The following DNMT1 variants were observed in gnomAD, a reference collection of about 807,000 sequenced individuals.
DNMT1 encodes the protein DNA (cytosine-5)-methyltransferase 1.
In DNMT1, 24 loss-of-function variants were observed where a neutral mutation model predicts 205.3. The ratio of observed to expected loss-of-function variants is 0.12; its 90% confidence interval spans 0.08 to 0.16. The LOEUF (loss-of-function observed/expected upper bound fraction) is 0.16, where lower values mean the gene tolerates loss of function less well. Among genes scored for constraint, DNMT1 ranks in the 10% least tolerant of loss-of-function variants. The probability of loss-of-function intolerance (pLI) is 1.00; values close to 1 mark genes in which losing one functional copy is unlikely to be tolerated. For missense variants in DNMT1, 1,293 were observed against 2,177.7 expected, an observed-to-expected ratio of 0.59 and a Z score of 8.09; for synonymous variants, 817 against 839.8, an observed-to-expected ratio of 0.97 and a Z score of 0.47.
intron 12 of DNMT1, 81 bp downstream of exon 12, chr19:10,163,245 G>A (rs1205927782): frequency 4.0e-6 from 6 of 1,514,708 alleles, no homozygotes; most frequent in East Asian, 2.3e-5. Flanking sequence ...GGGATTACAG[G>A]TGCAAGCCAC....
At chr19:10,186,565 A>C in intron 1 of DNMT1, among the ~76,000 whole-genome samples, 1 of 152,006 alleles carries the variant, frequency 6.6e-6, no homozygotes, top group East Asian at 1.9e-4. Context: ...CTGGCCAGGC[A>C]CGGTGGCTCA....
At chr19:10,173,780 C>T in intron 8 of DNMT1, 91 bp downstream of exon 8, 1 of 1,435,994 alleles carries the variant, frequency 7.0e-7, no homozygotes, top group South Asian at 1.1e-5. Flanking sequence ...GCATGAGTCA[C>T]CGTGCCCGGC....
chr19:10,135,728 C>T lies in DNMT1; in HGVS notation c.4773+8G>A. On this transcript the variant is annotated splice_region_variant and intron_variant, in intron 39 of 40. Coordinates refer to ENST00000359526, the MANE Select transcript of DNMT1 (RefSeq NM_001130823.3). ...CTGTCCAGACCCAGCGGGCGCCGCC[C>T]CACTGACCTGCCGGTGCTTGTCCAG... 1.9e-6 allele frequency: 3 copies of T among 1,606,222 alleles called. No homozygotes were observed. The highest frequency in any genetic ancestry group is 2.5e-6 in the Non-Finnish European group (3 of 1,178,224).
Position 10,180,512 on chromosome 19 carries a change from C to T in DNMT1, c.283G>A (p.Gly95Ser), listed in dbSNP as rs2039026843. Residue 95 changes from glycine (G) to serine (S), a missense_variant, in exon 4 of 41, where the codon GGT (glycine) becomes AGT (serine). Physicochemically the swap from Gly to Ser is moderately conservative, Grantham distance 56. Coordinates refer to ENST00000359526, the MANE Select transcript of DNMT1 (RefSeq NM_001130823.3). ...LLNKDLSLEN[G>S]AHAYNREVNG... ...ACTTCCCGGTTGTAAGCATGAGCAC[C>T]GTTCTCCAAGGACAAATCTTTATTT... 2 of 1,613,990 alleles carry T rather than the reference C, an allele frequency of 1.2e-6. No homozygotes were observed. The highest frequency in any genetic ancestry group is 3.3e-5 in the Admixed American group (2 of 59,976).
chr19:10,175,464 C>G, intron 7 of DNMT1, 76 bp downstream of exon 7: 2 of 1,565,820 alleles, frequency 1.3e-6, no homozygotes, highest in Non-Finnish European at 1.8e-6. Context: ...TTTACTTGGA[C>G]AGAACACATA....
chr19:10,158,249 C>A (rs1021202510), intron 17 of DNMT1, among the ~76,000 whole-genome samples: 1 of 152,242 alleles, frequency 6.6e-6, no homozygotes, highest in East Asian at 1.9e-4. Context: ...CTCACACCAG[C>A]AGGCAGAGGT....
chr19:10,182,589 A>T (rs1180244759), intron 1 of DNMT1, among the ~76,000 whole-genome samples: 1 of 150,702 alleles, frequency 6.6e-6, no homozygotes, highest in African/African-American at 2.4e-5. Flanking sequence ...TCTGTAACAG[A>T]GTATGTGTGT....
Position 10,143,753 on chromosome 19 carries a change from G to T in DNMT1, c.3116+13C>A, listed in dbSNP as rs140171689. Reference sequence around the variant, plus strand: ...GTCTGTGGCCTCGTGGAAGAACAGAGGCCTCTGCTGACCTGTAGAACTTGT... The same window carrying T: ...GTCTGTGGCCTCGTGGAAGAACAGATGCCTCTGCTGACCTGTAGAACTTGT... On this transcript the variant is annotated intron_variant, in intron 29 of 40. Transcript: ENST00000359526. 2 of 1,613,986 alleles carry T rather than the reference G, an allele frequency of 1.2e-6. No homozygotes were observed. The highest frequency in any genetic ancestry group is 2.7e-5 in the African/African-American group (2 of 75,032).
Position 10,154,221 on chromosome 19 carries a change from T to C in DNMT1, c.2019+72A>G, listed in dbSNP as rs1393741443. 21 of 1,475,638 alleles carry C rather than the reference T, an allele frequency of 1.4e-5. No individual in the cohort carries two copies. Among genetic ancestry groups the C allele is most frequent in the African/African-American group, 1.4e-5 (1 of 72,062 alleles). The allele number at this position is 1,475,638 out of a possible 1,614,324, so 91.4% of individuals were successfully genotyped here. ...GAGTCTCAAGCCACAGAGAGAAAGATGGAGCAGTCCTCAGATCAGGCCAGA... is the reference window on the plus strand; with the variant it reads ...GAGTCTCAAGCCACAGAGAGAAAGACGGAGCAGTCCTCAGATCAGGCCAGA... On this transcript the variant is annotated intron_variant, in intron 22 of 40. Coordinates refer to ENST00000359526, the MANE Select transcript of DNMT1 (RefSeq NM_001130823.3). The surrounding 1 kb of genome is among the most constrained non-coding windows in gnomAD (Gnocchi z 6.3).
intron 1 of DNMT1, among the ~76,000 whole-genome samples, chr19:10,193,900 G>T (rs1056399854): frequency 1.3e-5 from 2 of 152,154 alleles, no homozygotes; most frequent in Admixed American, 1.3e-4. Context: ...ATGAACTGAT[G>T]GCGTTCATGA....
chr19:10,135,887 G>A (rs1381224494), intron 38 of DNMT1, 35 bp from the exon 39 acceptor site: 2 of 1,537,342 alleles, frequency 1.3e-6, no homozygotes, highest in Non-Finnish European at 1.7e-6. Flanking sequence ...GAGGGCAGTA[G>A]CACCCAGGCC....
Position 10,183,123 on chromosome 19 carries a change from A to AT in DNMT1, c.81-1047dup, listed in dbSNP as rs1331566985. ...TATATATACGTGTGTATATATATAT[A>AT]TATTTTTTTTTTTTGAGATAGGGTT... On this transcript the variant is annotated intron_variant, in intron 1 of 40. Transcript: ENST00000359526. Among the ~76,000 whole-genome samples, 268 of 126,436 alleles carry AT rather than the reference A, an allele frequency of 2.1e-3. 3 individuals are homozygous for AT. The highest frequency in any genetic ancestry group is 4.7e-3 in the East Asian group (14 of 2,948). 82.9% of individuals were successfully genotyped at this position (126,436 alleles called of 152,430 possible).
intron 39 of DNMT1, 148 bp from the exon 40 acceptor site, chr19:10,134,455 A>C: frequency 1.5e-6 from 1 of 684,756 alleles, no homozygotes; most frequent in South Asian, 1.8e-5. Context: ...ACATGGGCCC[A>C]AAACCCTTCC....
rs944976576 is a variant in DNMT1 at position 10,173,290 on chromosome 19, T to C, written c.684-116A>G. The C allele has an allele frequency of 5.2e-5, 51 of 973,766 alleles. 1 individual carries two copies. The highest frequency in any genetic ancestry group is 4.0e-4 in the South Asian group (30 of 75,062). The allele number at this position is 973,766 out of a possible 1,614,324, so 60.3% of individuals were successfully genotyped here. On this transcript the variant is annotated intron_variant, in intron 8 of 40. Transcript: ENST00000359526. ...GCAATCTTCATTATCTCAGGAGCCC[T>C]GACAGACACATACTCATTTAACATT...
At chr19:10,193,539 T>C (rs1194383293) in intron 1 of DNMT1, among the ~76,000 whole-genome samples, 3 of 151,906 alleles carry the variant, frequency 2.0e-5, no homozygotes, top group African/African-American at 7.3e-5. Flanking sequence ...AATTTTTGTA[T>C]TTTTAGTAGA....
chr19:10,160,200 G>A, intron 14 of DNMT1, 137 bp from the exon 15 acceptor site: 2 of 1,537,256 alleles, frequency 1.3e-6, no homozygotes, highest in Non-Finnish European at 1.8e-6. Context: ...CCAGGCGCGT[G>A]GTCACAGTGG....
At chr19:10,157,397 T>G (rs2038480227) in intron 17 of DNMT1, among the ~76,000 whole-genome samples, 1 of 152,188 alleles carries the variant, frequency 6.6e-6, no homozygotes, top group South Asian at 2.1e-4. Flanking sequence ...GGCATAAATC[T>G]CAAACACCTG....
chr19:10,138,898 A>G lies in DNMT1; in HGVS notation c.3949-293T>C, dbSNP rs2089547825. On this transcript the variant is annotated intron_variant, in intron 34 of 40. Coordinates refer to ENST00000359526, the MANE Select transcript of DNMT1 (RefSeq NM_001130823.3). This position sits in a 1 kb window ranked among gnomAD's most constrained non-coding sequence, Gnocchi z 4.1. ...ACTGCAAGGGCCCCAAGGTCTTAGC[A>G]CTCGGGGAGAACACTGGAGACCAGG... Among the ~76,000 whole-genome samples, 1 of 152,158 alleles carries G rather than the reference A, an allele frequency of 6.6e-6. No individual in the cohort carries two copies. The highest frequency in any genetic ancestry group is 1.5e-5 in the Non-Finnish European group (1 of 68,028).
chr19:10,134,679 C>T (rs949100703), intron 39 of DNMT1, among the ~76,000 whole-genome samples: 3 of 151,766 alleles, frequency 2.0e-5, no homozygotes, highest in Non-Finnish European at 2.9e-5. Context: ...CATGGTGAAA[C>T]CCCGTCTCTA....
Sources: gnomAD v4.1 joint callset for allele counts (sites outside exome capture counted in the v4.1 genomes callset) on GRCh38, gnomAD v4.1.1 for gene constraint, Gnocchi (gnomAD v3.1) non-coding constraint, MANE v1.5 for transcripts, NCBI Gene and HGNC (gene_info 2026-07-23, HGNC 2026-07-21) for gene names.